The following AP3S1 variants were observed in gnomAD, a reference collection of about 807,000 sequenced individuals.
The protein encoded by AP3S1 is AP-3 complex subunit sigma-1.
A neutral mutation model predicts 21.3 loss-of-function variants in AP3S1; 12 were observed. That is an observed-to-expected ratio of 0.56 (90% CI 0.36 to 0.91). The LOEUF (loss-of-function observed/expected upper bound fraction) is 0.91, where lower values mean the gene tolerates loss of function less well. Ranked by LOEUF, AP3S1 falls within the 40% of genes least tolerant of loss-of-function variation. The pLI is 0.01. For synonymous variants in AP3S1, 48 were observed against 78.4 expected (o/e 0.61, Z 2.05); for missense variants, 116 against 225.0 (o/e 0.52, Z 3.10).
intron 2 of AP3S1, among the ~76,000 whole-genome samples, chr5:115,868,917 G>GACA (rs1580661612): frequency 7.3e-5 from 5 of 68,054 alleles, no homozygotes; most frequent in Admixed American, 1.9e-4. Context: ...GAGAAAGAGA[G>GACA]GATGAAGGGA....
At chr5:115,888,345 T>C (rs890361828) in intron 3 of AP3S1, among the ~76,000 whole-genome samples, 2 of 151,392 alleles carry the variant, frequency 1.3e-5, no homozygotes, top group Non-Finnish European at 2.9e-5. Flanking sequence ...TTTTCCCCCT[T>C]AATTTCTTCA....
At chr5:115,887,596 T>C (rs1749912479) in intron 3 of AP3S1, among the ~76,000 whole-genome samples, 1 of 152,148 alleles carries the variant, frequency 6.6e-6, no homozygotes, top group South Asian at 2.1e-4. Flanking sequence ...CTAATGTATA[T>C]TGAGTGTTTT....
chr5:115,873,084 G>A (rs1246546772), intron 3 of AP3S1, among the ~76,000 whole-genome samples: 1 of 152,142 alleles, frequency 6.6e-6, no homozygotes, highest in Non-Finnish European at 1.5e-5. Flanking sequence ...AAACAAATGT[G>A]TCTTTTCCTA....
intron 4 of AP3S1, among the ~76,000 whole-genome samples, chr5:115,895,447 T>C (rs1477135797): frequency 7.3e-5 from 11 of 151,656 alleles, no homozygotes; most frequent in Admixed American, 2.0e-4. Flanking sequence ...CCTAGGAGAC[T>C]GTGAATGGAG....
intron 4 of AP3S1, among the ~76,000 whole-genome samples, chr5:115,898,014 C>T (rs1157844291): frequency 6.6e-6 from 1 of 152,116 alleles, no homozygotes; most frequent in South Asian, 2.1e-4. Context: ...GCTGCAGTAG[C>T]GAACATGGAA....
intron 3 of AP3S1, among the ~76,000 whole-genome samples, chr5:115,875,116 T>C (rs1332817012): frequency 2.0e-5 from 3 of 152,224 alleles, no homozygotes; most frequent in Non-Finnish European, 2.9e-5. Flanking sequence ...TATTATTTTG[T>C]TAGTACACAA....
rs370625498 is a variant in AP3S1, at chr5:115,842,029, G to A, written c.-9G>A. On this transcript the variant is annotated 5_prime_UTR_variant, in exon 1 of 6. Transcript: ENST00000316788. ...CCCCCAGTGCCCACCCGGTCGGCCCGGCACAGCCATGATCAAGGCGATCCT... is the reference window on the plus strand; with the variant it reads ...CCCCCAGTGCCCACCCGGTCGGCCCAGCACAGCCATGATCAAGGCGATCCT... 5 of 1,582,348 alleles carry A rather than the reference G, an allele frequency of 3.2e-6. No homozygotes were observed. Among genetic ancestry groups the A allele is most frequent in the Non-Finnish European group, 4.3e-6 (5 of 1,165,664 alleles).
At chr5:115,875,856 A>G (rs1174122991) in intron 3 of AP3S1, among the ~76,000 whole-genome samples, 5 of 152,158 alleles carry the variant, frequency 3.3e-5, no homozygotes, top group African/African-American at 1.2e-4. Context: ...GTTGTGCAGG[A>G]TTCCTAAAAT....
In AP3S1 at chr5:115,864,858, G is replaced by A. The variant is rs530753609; in HGVS notation, c.70-1812G>A. Among the ~76,000 whole-genome samples, 13 of 152,302 alleles carry A rather than the reference G, an allele frequency of 8.5e-5. No individual in the cohort carries two copies. The East Asian group carries it at 1.2e-3, about 14-fold the overall frequency. ...AGGAAGTAGACTTAGAAGAAGCAGC[G>A]CCAGAAAACAAATTGACATTAGACA... On this transcript the variant is annotated intron_variant, in intron 1 of 5. Transcript: ENST00000316788.
At chr5:115,856,073 G>A (rs532654876) in intron 1 of AP3S1, among the ~76,000 whole-genome samples, 2 of 152,228 alleles carry the variant, frequency 1.3e-5, no homozygotes, top group African/African-American at 4.8e-5. Flanking sequence ...AACTGTAGTT[G>A]TCTTTAGACT....
rs190840793 is a variant in AP3S1 at position 115,883,040 on chromosome 5, C to T, written c.274-12047C>T. Among the ~76,000 whole-genome samples, 24 of 152,272 alleles carry T rather than the reference C, an allele frequency of 1.6e-4. No individual in the cohort carries two copies. The East Asian group carries it at 2.5e-3, about 16-fold the overall frequency. On this transcript the variant is annotated intron_variant, in intron 3 of 5. Coordinates refer to ENST00000316788, the MANE Select transcript of AP3S1 (RefSeq NM_001284.4). Reference sequence around the variant, plus strand: ...CTACTCAAGTCTCAATAATGGCAGACGCCTCTGCCCCGACTAAGCTCCAGC... The same window carrying T: ...CTACTCAAGTCTCAATAATGGCAGATGCCTCTGCCCCGACTAAGCTCCAGC...
intron 2 of AP3S1, among the ~76,000 whole-genome samples, chr5:115,868,057 T>A (rs1161973073): frequency 1.3e-5 from 2 of 152,112 alleles, no homozygotes; most frequent in Admixed American, 1.3e-4. Flanking sequence ...ATAAAATGAG[T>A]TATTTGGACT....
intron 1 of AP3S1, among the ~76,000 whole-genome samples, chr5:115,857,729 C>T (rs1292296175): frequency 6.6e-6 from 1 of 152,102 alleles, no homozygotes; most frequent in East Asian, 1.9e-4. Context: ...ATGATTTATT[C>T]TGCTATTAAA....
chr5:115,845,836 C>CAA lies in AP3S1; in HGVS notation c.69+3767_69+3768dup, dbSNP rs755171274. Among the ~76,000 whole-genome samples the CAA allele has an allele frequency of 9.8e-3, 337 of 34,448 alleles. 96 individuals are homozygous for CAA. Among genetic ancestry groups the CAA allele is most frequent in the Non-Finnish European group, 0.013 (240 of 17,802 alleles). The allele number at this position is 34,448 out of a possible 152,430, so 22.6% of individuals were successfully genotyped here. A position where few individuals can be genotyped will look rare whatever the true frequency, so the allele number is the denominator to read the frequency against. On this transcript the variant is annotated intron_variant, in intron 1 of 5. Coordinates refer to ENST00000316788, the MANE Select transcript of AP3S1 (RefSeq NM_001284.4). ...TGGGTGACAGAGTGAGACTCCATCT[C>CAA]AAAAAAAAAAAAAAAAAAAAAAAAA...
At chr5:115,867,364 A>G (rs890937971) in intron 2 of AP3S1, among the ~76,000 whole-genome samples, 1 of 152,148 alleles carries the variant, frequency 6.6e-6, no homozygotes, top group Non-Finnish European at 1.5e-5. Flanking sequence ...AATATACCTA[A>G]TTCAGCTAAT....
chr5:115,851,364 A>G (rs990080131), intron 1 of AP3S1, among the ~76,000 whole-genome samples: 2 of 152,150 alleles, frequency 1.3e-5, no homozygotes, highest in South Asian at 4.1e-4. Context: ...GTTAGATTAT[A>G]TGGTAATTTT....
At chr5:115,874,834 C>T (rs1435875202) in intron 3 of AP3S1, among the ~76,000 whole-genome samples, 1 of 151,898 alleles carries the variant, frequency 6.6e-6, no homozygotes, top group Non-Finnish European at 1.5e-5. Flanking sequence ...TTAGAAAGAC[C>T]TGTGAATTAA....
chr5:115,842,413 G>A, intron 1 of AP3S1: 1 of 271,394 alleles, frequency 3.7e-6, no homozygotes, highest in Non-Finnish European at 6.9e-6. Flanking sequence ...CGCCGATCGG[G>A]CAGCCGCAGC....
At chr5:115,874,593 A>G (rs1424045883) in intron 3 of AP3S1, among the ~76,000 whole-genome samples, 4 of 152,126 alleles carry the variant, frequency 2.6e-5, no homozygotes, top group Non-Finnish European at 5.9e-5. Context: ...TTAGGTTTAG[A>G]AAGATACGTT....
Sources: gnomAD v4.1 joint callset for allele counts (sites outside exome capture counted in the v4.1 genomes callset) on GRCh38, gnomAD v4.1.1 for gene constraint, MANE v1.5 for transcripts, NCBI Gene and HGNC (gene_info 2026-07-23, HGNC 2026-07-21) for gene names.